Variants in CIB4 observed in about 807,000 individuals in gnomAD.
The protein encoded by CIB4 is calcium and integrin binding family member 4, also known as calcium and integrin-binding family member 4.
CIB4 carries 25 observed loss-of-function variants against 25.8 expected under a neutral mutation model. The observed-to-expected ratio is 0.97, with a 90% CI of 0.71 to 1.35. The LOEUF (loss-of-function observed/expected upper bound fraction) is 1.35. CIB4 is among the 40% of genes most tolerant of loss of function. The pLI, the probability that CIB4 is intolerant of heterozygous loss-of-function variation, is 0.00. For missense variants in CIB4, 235 were observed against 228.2 expected (o/e 1.03, Z -0.19); for synonymous variants, 75 against 81.4 (o/e 0.92, Z 0.42).
intron 3 of CIB4, among the ~76,000 whole-genome samples, chr2:26,621,252 GAAAA>G (rs10689851): frequency 2.8e-4 from 29 of 101,912 alleles, no homozygotes; most frequent in Admixed American, 2.1e-3. Context: ...AAGTTTCCAG[GAAAA>G]AAAAAAAAAA....
chr2:26,583,725 T>A lies in CIB4; in HGVS notation c.438+64A>T, dbSNP rs1411060637. On this transcript the variant is annotated intron_variant, in intron 5 of 6. Transcript: ENST00000288861. ...AGAGGGTGGCCTGACATCCGGGGGC[T>A]TTGGGTGACAACCTGGCCCCTATCC... The A allele has an allele frequency of 3.6e-6, 4 of 1,099,116 alleles. No homozygotes were observed. The Admixed American group carries it at 6.8e-5, about 19-fold the overall frequency. 68.1% of individuals were successfully genotyped at this position (1,099,116 alleles called of 1,614,324 possible). A position where few individuals can be genotyped will look rare whatever the true frequency, so the allele number is the denominator to read the frequency against.
chr2:26,592,879 A>C (rs1253674929), intron 4 of CIB4, among the ~76,000 whole-genome samples: 1 of 151,990 alleles, frequency 6.6e-6, no homozygotes, highest in Non-Finnish European at 1.5e-5. Context: ...ATCCTTGGGC[A>C]TGATTATTGT....
chr2:26,633,801 C>A (rs972788111), intron 2 of CIB4, among the ~76,000 whole-genome samples: 1 of 152,208 alleles, frequency 6.6e-6, no homozygotes, highest in South Asian at 2.1e-4. Context: ...GGAGGGGCTG[C>A]CTGCGGGCTC....
At chr2:26,582,940 G>A (rs1668376727) in intron 5 of CIB4, 27 bp from the exon 6 acceptor site, 7 of 1,521,282 alleles carry the variant, frequency 4.6e-6, no homozygotes, top group Non-Finnish European at 6.4e-6. Context: ...GAAGACAGTT[G>A]AGTGGAACCC....
At position 26,581,407 on chromosome 2, in the gene CIB4, T is replaced by C; in HGVS notation, c.528-14A>G. 1 of 1,613,456 alleles carries C rather than the reference T, an allele frequency of 6.2e-7. No individual in the cohort carries two copies. Among genetic ancestry groups the C allele is most frequent in the Non-Finnish European group, 8.5e-7 (1 of 1,179,664 alleles). Reference sequence around the variant, plus strand: ...ATCCGAAAGGAGCTGAAAGAAAGAATCCCGTGAGCCATGTGAGCCCGCAGG... The same window carrying C: ...ATCCGAAAGGAGCTGAAAGAAAGAACCCCGTGAGCCATGTGAGCCCGCAGG... On this transcript the variant is annotated splice_polypyrimidine_tract_variant and intron_variant, in intron 6 of 6. Transcript: ENST00000288861.
chr2:26,595,913 A>G (rs1285344684), intron 3 of CIB4, among the ~76,000 whole-genome samples: 1 of 151,916 alleles, frequency 6.6e-6, no homozygotes, highest in East Asian at 1.9e-4. Flanking sequence ...ACACACACAC[A>G]CACACACACA....
intron 3 of CIB4, among the ~76,000 whole-genome samples, chr2:26,626,976 G>A (rs1343642070): frequency 6.6e-6 from 1 of 152,168 alleles, no homozygotes; most frequent in Non-Finnish European, 1.5e-5. Flanking sequence ...TAGATGGGGG[G>A]ATATACATGC....
chr2:26,596,884 T>C (rs1308097271), intron 3 of CIB4, among the ~76,000 whole-genome samples: 1 of 152,196 alleles, frequency 6.6e-6, no homozygotes, highest in Non-Finnish European at 1.5e-5. Flanking sequence ...AACTTAAAGA[T>C]GAGTTATATG....
intron 3 of CIB4, among the ~76,000 whole-genome samples, chr2:26,603,354 T>C (rs1425663378): frequency 6.6e-6 from 1 of 152,174 alleles, no homozygotes; most frequent in Non-Finnish European, 1.5e-5. Flanking sequence ...ATTAATACAA[T>C]GCAAGCACTA....
chr2:26,605,534 A>G (rs1558562846), intron 3 of CIB4: 1 of 471,146 alleles, frequency 2.1e-6, no homozygotes, highest in East Asian at 7.0e-5. Flanking sequence ...CCTTTCAGGG[A>G]AGGCTCTTCT....
intron 3 of CIB4, among the ~76,000 whole-genome samples, chr2:26,610,057 G>A (rs560440525): frequency 5.9e-5 from 9 of 152,264 alleles, no homozygotes; most frequent in African/African-American, 2.2e-4. Context: ...GCAGGGCCCC[G>A]CTGTGCCTCC....
chr2:26,609,037 A>G (rs1039371820), intron 3 of CIB4, among the ~76,000 whole-genome samples: 1 of 152,082 alleles, frequency 6.6e-6, no homozygotes, highest in Non-Finnish European at 1.5e-5. Context: ...GACAAAAACC[A>G]CTTCTCCCAG....
At chr2:26,598,654 A>G (rs1171464234) in intron 3 of CIB4, among the ~76,000 whole-genome samples, 1 of 152,160 alleles carries the variant, frequency 6.6e-6, no homozygotes, top group Admixed American at 6.5e-5. Flanking sequence ...GTTCGCTGTA[A>G]GGCCTGGCAG....
intron 4 of CIB4, among the ~76,000 whole-genome samples, chr2:26,586,727 T>C (rs368191539): frequency 1.2e-4 from 19 of 152,214 alleles, no homozygotes; most frequent in African/African-American, 4.6e-4. Context: ...TAACTACCCC[T>C]AACTGCCTTT....
At chr2:26,606,818 CAGAG>C (rs1668898886) in intron 3 of CIB4, among the ~76,000 whole-genome samples, 1 of 152,174 alleles carries the variant, frequency 6.6e-6, no homozygotes. Context: ...AGTCTAAAAA[CAGAG>C]AGGCTCAAAT....
chr2:26,599,586 G>A (rs1305385455), intron 3 of CIB4, among the ~76,000 whole-genome samples: 1 of 152,008 alleles, frequency 6.6e-6, no homozygotes, highest in African/African-American at 2.4e-5. Flanking sequence ...CAATGATGAT[G>A]TCATTGATGC....
intron 3 of CIB4, among the ~76,000 whole-genome samples, chr2:26,624,710 G>A (rs112004952): frequency 3.2e-4 from 39 of 120,832 alleles, no homozygotes; most frequent in Non-Finnish European, 4.8e-4. Flanking sequence ...TAAAAAGTCT[G>A]GGACCAGGCT....
At chr2:26,594,697 CGAGACA>C (rs1392362079) in intron 4 of CIB4, among the ~76,000 whole-genome samples, 1 of 152,060 alleles carries the variant, frequency 6.6e-6, no homozygotes, top group Non-Finnish European at 1.5e-5. Context: ...TGTGACTACC[CGAGACA>C]GAGACAGAGA....
At chr2:26,629,094 C>T (rs771386099) in intron 3 of CIB4, among the ~76,000 whole-genome samples, 29 of 152,162 alleles carry the variant, frequency 1.9e-4, no homozygotes, top group African/African-American at 6.5e-4. Flanking sequence ...CAGATGGGGC[C>T]GCCACCTCCC....
Sources: allele counts gnomAD v4.1 joint callset (sites outside exome capture counted in the v4.1 genomes callset), GRCh38; gene constraint gnomAD v4.1.1; transcripts MANE v1.5; gene names NCBI Gene and HGNC (gene_info 2026-07-23, HGNC 2026-07-21).